Variants in ENTHD1 observed in about 807,000 individuals in gnomAD.
ENTHD1 encodes ENTH domain containing 1.
ENTHD1 carries 23 observed loss-of-function variants against 39.1 expected under a neutral mutation model. The ratio of observed to expected loss-of-function variants is 0.59; its 90% CI spans 0.42 to 0.83. The LOEUF (loss-of-function observed/expected upper bound fraction) is 0.83. Ranked by LOEUF, ENTHD1 falls within the 40% of genes least tolerant of loss-of-function variation. ENTHD1 has a pLI of 0.00. For synonymous variants in ENTHD1, 230 were observed against 258.2 expected (o/e 0.89, Z 1.05); for missense variants, 624 against 705.4 (o/e 0.88, Z 1.31).
chr22:39,809,762 G>A (rs562182492), intron 5 of ENTHD1, among the ~76,000 whole-genome samples: 1 of 152,294 alleles, frequency 6.6e-6, no homozygotes, highest in Admixed American at 6.5e-5. Flanking sequence ...ATGGTGCAAT[G>A]GAATTGGGTT....
intron 2 of ENTHD1, among the ~76,000 whole-genome samples, chr22:39,870,213 C>G (rs908439931): frequency 6.6e-6 from 1 of 151,790 alleles, no homozygotes; most frequent in African/African-American, 2.4e-5. Context: ...TTTGCCATGT[C>G]GGCCAGGCTG....
chr22:39,744,027 T>C lies in ENTHD1; in HGVS notation c.1476A>G (p.Gly492=), dbSNP rs1007771858. 4 of 1,614,176 alleles carry C rather than the reference T, an allele frequency of 2.5e-6. No individual in the cohort carries two copies. Among genetic ancestry groups the C allele is most frequent in the Non-Finnish European group, 3.4e-6 (4 of 1,180,010 alleles). Residue 492 remains glycine (G), a synonymous_variant, in exon 7 of 7, where the codon GGA becomes GGG. Transcript: ENST00000325157. The part of the protein sequence containing the change: ...VEENDSLNLL[G]ILPNNSDSAK... ...CAGAATCAGAGTTATTTGGAAGAATTCCCAGTAGATTGAGGCTATCATTTT... is the reference window on the plus strand; with the variant it reads ...CAGAATCAGAGTTATTTGGAAGAATCCCCAGTAGATTGAGGCTATCATTTT...
chr22:39,857,508 T>C (rs2066103754), intron 3 of ENTHD1, among the ~76,000 whole-genome samples: 1 of 151,352 alleles, frequency 6.6e-6, no homozygotes, highest in Non-Finnish European at 1.5e-5. Flanking sequence ...CTAGAATTTC[T>C]TGCATGAATC....
chr22:39,815,028 T>G (rs2065722469), intron 5 of ENTHD1, among the ~76,000 whole-genome samples: 1 of 151,978 alleles, frequency 6.6e-6, no homozygotes. Flanking sequence ...CTCCTATAAA[T>G]CAATTAAGAA....
At chr22:39,790,394 G>A (rs1042640471) in intron 5 of ENTHD1, among the ~76,000 whole-genome samples, 9 of 152,182 alleles carry the variant, frequency 5.9e-5, no homozygotes, top group Non-Finnish European at 1.3e-4. Flanking sequence ...GAGCTGGTAG[G>A]AGAGAAAGAA....
chr22:39,861,128 G>C (rs2066136372), intron 3 of ENTHD1, among the ~76,000 whole-genome samples: 1 of 152,164 alleles, frequency 6.6e-6, no homozygotes, highest in Non-Finnish European at 1.5e-5. Context: ...TCACTTTCCA[G>C]TTAAGGATAA....
At chr22:39,774,307 T>A (rs957112664) in intron 5 of ENTHD1, among the ~76,000 whole-genome samples, 9 of 152,152 alleles carry the variant, frequency 5.9e-5, no homozygotes, top group Middle Eastern at 3.2e-3. Context: ...CAGGATGATG[T>A]CATCTATTAT....
At chr22:39,791,278 G>C (rs956378835) in intron 5 of ENTHD1, among the ~76,000 whole-genome samples, 6 of 147,472 alleles carry the variant, frequency 4.1e-5, no homozygotes, top group Non-Finnish European at 7.5e-5. Context: ...ACTATATATA[G>C]TTTTAGACTA....
intron 5 of ENTHD1, among the ~76,000 whole-genome samples, chr22:39,807,931 A>G (rs2065656990): frequency 1.3e-5 from 2 of 151,572 alleles, no homozygotes; most frequent in Admixed American, 6.6e-5. Context: ...ATACTGGGTC[A>G]TGACATAAAA....
intron 2 of ENTHD1, among the ~76,000 whole-genome samples, chr22:39,862,561 AAAG>A (rs1417654323): frequency 2.8e-4 from 40 of 143,484 alleles, no homozygotes; most frequent in African/African-American, 1.0e-3. Flanking sequence ...AAAAAAAAAA[AAAG>A]AAAGAAAAAG....
At position 39,777,813 on chromosome 22, in the gene ENTHD1, A is replaced by G. The variant is rs371169410; in HGVS notation, c.833-12204T>C. 2.0e-5 allele frequency among the ~76,000 whole-genome samples: 3 copies of G among 152,346 alleles called. No homozygotes were observed. The South Asian group carries it at 6.2e-4, about 32-fold the overall frequency. On this transcript the variant is annotated intron_variant, in intron 5 of 6. Transcript: ENST00000325157. ...TAAAAACCATAATTTCCCTCAATAGATTATAGTTATAAAAATGAAAGCTGA... is the reference window on the plus strand; with the variant it reads ...TAAAAACCATAATTTCCCTCAATAGGTTATAGTTATAAAAATGAAAGCTGA...
chr22:39,796,267 C>A (rs779281875), intron 5 of ENTHD1, among the ~76,000 whole-genome samples: 3 of 151,834 alleles, frequency 2.0e-5, no homozygotes, highest in Non-Finnish European at 4.4e-5. Flanking sequence ...CTTTCTTTTT[C>A]TTTTCTTTTC....
intron 1 of ENTHD1, among the ~76,000 whole-genome samples, chr22:39,890,923 T>C (rs948016773): frequency 6.6e-6 from 1 of 152,252 alleles, no homozygotes; most frequent in African/African-American, 2.4e-5. Context: ...TTGGTGTTAG[T>C]TGTAAATTAT....
intron 4 of ENTHD1, among the ~76,000 whole-genome samples, chr22:39,828,720 A>G (rs866822912): frequency 7.9e-5 from 12 of 152,212 alleles, no homozygotes; most frequent in South Asian, 2.1e-4. Flanking sequence ...CAAACAGGAA[A>G]AGAGTAAGGT....
At chr22:39,754,301 C>G (rs1217438383) in intron 6 of ENTHD1, among the ~76,000 whole-genome samples, 4 of 152,190 alleles carry the variant, frequency 2.6e-5, no homozygotes, top group African/African-American at 9.6e-5. Context: ...AAATATCCAC[C>G]CTTTTCATTC....
intron 2 of ENTHD1, among the ~76,000 whole-genome samples, chr22:39,863,906 G>A (rs80314743): frequency 2.0e-5 from 3 of 152,144 alleles, no homozygotes; most frequent in Non-Finnish European, 4.4e-5. Flanking sequence ...TGCTCAAGTT[G>A]CCATCTTTTC....
chr22:39,855,126 T>C (rs1317491109), intron 3 of ENTHD1, among the ~76,000 whole-genome samples: 2 of 152,216 alleles, frequency 1.3e-5, no homozygotes, highest in African/African-American at 2.4e-5. Context: ...TTCGTTCAAT[T>C]TGTATCTCCT....
At chr22:39,835,190 G>A (rs778072909) in intron 4 of ENTHD1, among the ~76,000 whole-genome samples, 5 of 152,154 alleles carry the variant, frequency 3.3e-5, no homozygotes, top group Admixed American at 6.5e-5. Context: ...ACCAATATCC[G>A]TTTTCTGGTT....
chr22:39,866,815 C>T (rs558891780), intron 2 of ENTHD1, among the ~76,000 whole-genome samples: 1 of 152,276 alleles, frequency 6.6e-6, no homozygotes, highest in South Asian at 2.1e-4. Context: ...GAAGTCCAGA[C>T]TATGCTTGTT....
Sources: allele counts gnomAD v4.1 joint callset (sites outside exome capture counted in the v4.1 genomes callset), GRCh38; gene constraint gnomAD v4.1.1; transcripts MANE v1.5; gene names NCBI Gene and HGNC (gene_info 2026-07-23, HGNC 2026-07-21).